The following SEZ6L variants were observed in gnomAD, a reference collection of about 807,000 sequenced individuals.
SEZ6L encodes the protein seizure 6-like protein.
SEZ6L carries 37 observed loss-of-function variants against 106.2 expected under a neutral mutation model. The observed-to-expected ratio is 0.35, with a 90% CI of 0.27 to 0.46. The LOEUF is 0.46. SEZ6L is among the 20% of genes least tolerant of loss of function. The pLI is 1.00. For synonymous variants in SEZ6L, 541 were observed against 570.4 expected (o/e 0.95, Z 0.73); for missense variants, 1,172 against 1,332.8 (o/e 0.88, Z 1.88).
chr22:26,373,232 T>A (rs528187156), intron 13 of SEZ6L, among the ~76,000 whole-genome samples: 5 of 152,352 alleles, frequency 3.3e-5, no homozygotes, highest in Admixed American at 6.5e-5. Context: ...ATCACTGTTG[T>A]TGATCTTGGG....
At chr22:26,350,133 A>G (rs2083223428) in intron 11 of SEZ6L, among the ~76,000 whole-genome samples, 1 of 151,554 alleles carries the variant, frequency 6.6e-6, no homozygotes, top group African/African-American at 2.4e-5. Context: ...AACCTTATAC[A>G]TAGGTCTTTG....
chr22:26,350,693 G>A (rs1047984720), intron 11 of SEZ6L, among the ~76,000 whole-genome samples: 2 of 137,404 alleles, frequency 1.5e-5, no homozygotes, highest in African/African-American at 5.6e-5. Context: ...GTCTCGCTCT[G>A]TCGCCCAGGC....
chr22:26,378,649 G>T (rs959988110), intron 16 of SEZ6L, among the ~76,000 whole-genome samples: 8 of 152,248 alleles, frequency 5.3e-5, no homozygotes, highest in African/African-American at 1.4e-4. Context: ...GACATGGGAA[G>T]TGGGTAGAGC....
At chr22:26,305,569 C>T (rs945145880) in intron 5 of SEZ6L, among the ~76,000 whole-genome samples, 11 of 152,174 alleles carry the variant, frequency 7.2e-5, no homozygotes, top group Non-Finnish European at 1.5e-4. Flanking sequence ...TTAGTGCTTA[C>T]TGAGTACTAG....
intron 1 of SEZ6L, among the ~76,000 whole-genome samples, chr22:26,260,544 T>G (rs1462030918): frequency 6.6e-6 from 1 of 152,152 alleles, no homozygotes; most frequent in Non-Finnish European, 1.5e-5. Context: ...GCAATTCTTT[T>G]GGAAAGAATT....
At chr22:26,180,005 C>A (rs532138147) in intron 1 of SEZ6L, among the ~76,000 whole-genome samples, 9 of 152,312 alleles carry the variant, frequency 5.9e-5, no homozygotes, top group African/African-American at 2.2e-4. Context: ...CTATGTGTGG[C>A]TCATGGCCGC....
intron 1 of SEZ6L, among the ~76,000 whole-genome samples, chr22:26,208,486 C>G (rs1941403290): frequency 6.6e-6 from 1 of 152,100 alleles, no homozygotes; most frequent in African/African-American, 2.4e-5. Flanking sequence ...AATATTTTCT[C>G]TTTTAAAACT....
chr22:26,241,263 T>C (rs2079121274), intron 1 of SEZ6L: 1 of 152,166 alleles, frequency 6.6e-6, no homozygotes, highest in African/African-American at 2.4e-5. Context: ...GTGCCCCTTA[T>C]AGTGAAGATC....
intron 1 of SEZ6L, among the ~76,000 whole-genome samples, chr22:26,234,717 C>T (rs964293453): frequency 6.6e-6 from 1 of 152,240 alleles, no homozygotes; most frequent in Non-Finnish European, 1.5e-5. Flanking sequence ...ATTTAGTAAA[C>T]TATATACTGT....
chr22:26,377,725 A>G lies in SEZ6L; in HGVS notation c.2995A>G (p.Ser999Gly). 1.9e-6 allele frequency: 3 copies of G among 1,614,062 alleles called. No individual in the cohort carries two copies. Among genetic ancestry groups the G allele is most frequent in the Non-Finnish European group, 2.5e-6 (3 of 1,179,948 alleles). Residue 999 changes from serine to glycine, a missense_variant, in exon 16 of 17, where the codon AGC becomes GGC. Ser to Gly is a moderately conservative substitution (Grantham distance 56, BLOSUM62 0). Transcript: ENST00000248933. ...RLPLMYSHPYSQITVETEFDN... is the reference protein window; with the variant it reads ...RLPLMYSHPYGQITVETEFDN... ...GCCTCTGATGTACTCCCACCCCTAC[A>G]GCCAGATCACCGTGGAAACCGAGTT... is the stretch of plus-strand genomic sequence containing the variant.
At chr22:26,344,065 G>A (rs371155848) in intron 10 of SEZ6L, among the ~76,000 whole-genome samples, 12 of 152,288 alleles carry the variant, frequency 7.9e-5, no homozygotes, top group African/African-American at 2.4e-4. Context: ...CCATTCAATG[G>A]ATGCATCAGA....
intron 1 of SEZ6L, among the ~76,000 whole-genome samples, chr22:26,206,891 C>T (rs1244889022): frequency 1.3e-5 from 2 of 152,212 alleles, no homozygotes; most frequent in East Asian, 3.8e-4. Context: ...TAAAGCTAAT[C>T]TTCTAGGCCT....
intron 1 of SEZ6L, among the ~76,000 whole-genome samples, chr22:26,275,479 C>T (rs1244039823): frequency 6.6e-6 from 1 of 152,120 alleles, no homozygotes. Context: ...AGTCAAAGAG[C>T]ACCTATATTG....
At chr22:26,369,963 G>A (rs947678620) in intron 13 of SEZ6L, among the ~76,000 whole-genome samples, 12 of 152,290 alleles carry the variant, frequency 7.9e-5, no homozygotes, top group East Asian at 7.7e-4. Context: ...CAGAGCTTAA[G>A]TATTGGGAAG....
In SEZ6L at chr22:26,260,962, T is replaced by C. The variant is rs2079983496; in HGVS notation, c.95-31444T>C. 3.3e-5 allele frequency among the ~76,000 whole-genome samples: 5 copies of C among 152,244 alleles called. No individual in the cohort carries two copies. The South Asian group carries it at 1.0e-3, about 32-fold the overall frequency. On this transcript the variant is annotated intron_variant, in intron 1 of 16. Coordinates refer to ENST00000248933, the MANE Select transcript of SEZ6L (RefSeq NM_021115.5). Reference sequence around the variant, plus strand: ...AGATGGTATTGCATTGTGGATTTGATTTTCATTTCCCTGATCATTAGTGAT... The same window carrying C: ...AGATGGTATTGCATTGTGGATTTGACTTTCATTTCCCTGATCATTAGTGAT...
intron 16 of SEZ6L, among the ~76,000 whole-genome samples, chr22:26,378,833 T>C (rs1012393818): frequency 1.3e-5 from 2 of 152,198 alleles, no homozygotes; most frequent in African/African-American, 4.8e-5. Context: ...AAACCTGACT[T>C]GTTTCTTATC....
chr22:26,326,756 C>A (rs2082316335), intron 9 of SEZ6L, among the ~76,000 whole-genome samples: 1 of 152,208 alleles, frequency 6.6e-6, no homozygotes, highest in Admixed American at 6.5e-5. Flanking sequence ...GTTTAGACAG[C>A]ACCCCTGGGA....
intron 1 of SEZ6L, among the ~76,000 whole-genome samples, chr22:26,239,234 G>A (rs1240136924): frequency 1.3e-5 from 2 of 152,160 alleles, no homozygotes; most frequent in Admixed American, 1.3e-4. Flanking sequence ...AAAAAAAGGA[G>A]GGGGAGCATC....
At chr22:26,366,380 A>G (rs958876550) in intron 13 of SEZ6L, among the ~76,000 whole-genome samples, 2 of 151,858 alleles carry the variant, frequency 1.3e-5, no homozygotes, top group Non-Finnish European at 2.9e-5. Flanking sequence ...ATATATCACA[A>G]TTATGAAAAT....
Sources: gnomAD v4.1 joint callset for allele counts (sites outside exome capture counted in the v4.1 genomes callset) on GRCh38, gnomAD v4.1.1 for gene constraint, MANE v1.5 for transcripts, NCBI Gene and HGNC (gene_info 2026-07-23, HGNC 2026-07-21) for gene names.